STAG1: variants seen among roughly 807,000 people sequenced by gnomAD.
STAG1 encodes the protein STAG1 cohesin complex component.
Under a neutral mutation model 170.9 loss-of-function variants are expected in STAG1, and 26 were observed. That is an observed-to-expected ratio of 0.15 (90% CI 0.11 to 0.21). The LOEUF is 0.21. Ranked by LOEUF, STAG1 falls within the 10% of genes least tolerant of loss-of-function variation. The pLI, the probability that STAG1 is intolerant of heterozygous loss-of-function variation, is 1.00. For missense variants in STAG1, 964 were observed against 1,509.5 expected (o/e 0.64, Z 5.99); for synonymous variants, 514 against 497.7 (o/e 1.03, Z -0.44).
intron 32 of STAG1, among the ~76,000 whole-genome samples, chr3:136,340,237 C>T (rs1361767186): frequency 6.6e-6 from 1 of 152,152 alleles, no homozygotes; most frequent in Non-Finnish European, 1.5e-5. Context: ...TCACTACAAC[C>T]TCAGCCTCCC....
intron 20 of STAG1, among the ~76,000 whole-genome samples, chr3:136,420,178 C>T (rs1031590870): frequency 7.3e-6 from 1 of 137,612 alleles, no homozygotes; most frequent in Non-Finnish European, 1.5e-5. Flanking sequence ...GCCTGGAAGG[C>T]GGCAGTTGCA....
At chr3:136,522,576 A>C (rs1351732887) in intron 6 of STAG1, among the ~76,000 whole-genome samples, 1 of 151,514 alleles carries the variant, frequency 6.6e-6, no homozygotes, top group East Asian at 1.9e-4. Context: ...AATTATAATT[A>C]TTTTTCACTC....
chr3:136,689,957 T>C (rs1236324539), intron 1 of STAG1, among the ~76,000 whole-genome samples: 2 of 149,688 alleles, frequency 1.3e-5, no homozygotes, highest in Non-Finnish European at 3.0e-5. Context: ...GGAGAATCAG[T>C]TGAACCTGGG....
In STAG1 at chr3:136,713,775, C is replaced by T. The variant is rs190950776; in HGVS notation, c.-84+38420G>A. Among the ~76,000 whole-genome samples, 37 of 152,080 alleles carry T rather than the reference C, an allele frequency of 2.4e-4. No homozygotes were observed. The East Asian group carries it at 5.0e-3, about 21-fold the overall frequency. ...CTGTGGCTCAAGCCTTTAATCCCAG[C>T]GCTTTGGGAGGCCACAATGGGCAGA... On this transcript the variant is annotated intron_variant, in intron 1 of 33. Transcript: ENST00000383202.
At chr3:136,441,153 C>G (rs1331143996) in intron 15 of STAG1, among the ~76,000 whole-genome samples, 1 of 151,432 alleles carries the variant, frequency 6.6e-6, no homozygotes, top group East Asian at 1.9e-4. Context: ...CTGCCTCAGC[C>G]TCCCGAGTAG....
intron 4 of STAG1, among the ~76,000 whole-genome samples, chr3:136,596,544 AC>A (rs1938437107): frequency 6.6e-6 from 1 of 152,188 alleles, no homozygotes; most frequent in Non-Finnish European, 1.5e-5. Flanking sequence ...TCTGAGGTAT[AC>A]CTATATATCA....
intron 1 of STAG1, among the ~76,000 whole-genome samples, chr3:136,713,211 G>C (rs983129267): frequency 2.0e-5 from 3 of 152,144 alleles, no homozygotes; most frequent in South Asian, 2.1e-4. Context: ...CAAGTATATA[G>C]TTCCTAAAAA....
chr3:136,626,352 C>T (rs1022199870), intron 2 of STAG1, among the ~76,000 whole-genome samples: 8 of 149,128 alleles, frequency 5.4e-5, no homozygotes, highest in African/African-American at 2.0e-4. Context: ...CTTGAACCCA[C>T]GAGGCGTAGG....
chr3:136,526,046 G>A (rs1032594817), intron 6 of STAG1, among the ~76,000 whole-genome samples: 1 of 152,186 alleles, frequency 6.6e-6, no homozygotes. Context: ...TAAGTATGAC[G>A]TGGTGCTGAG....
chr3:136,623,288 G>A (rs774006558), intron 2 of STAG1, 40 bp from the exon 3 acceptor site: 8 of 1,566,064 alleles, frequency 5.1e-6, no homozygotes, highest in Non-Finnish European at 6.1e-6. Context: ...AAATTAATAA[G>A]TATAATGCAT....
intron 1 of STAG1, among the ~76,000 whole-genome samples, chr3:136,637,926 G>A (rs780375704): frequency 4.7e-5 from 7 of 150,074 alleles, no homozygotes; most frequent in Non-Finnish European, 8.9e-5. Context: ...AGGTTACAGT[G>A]CAGTGGAGCA....
In STAG1 at chr3:136,359,155, G is replaced by A; in HGVS notation, c.2929C>T (p.Leu977Phe). Residue 977 changes from leucine to phenylalanine, a missense_variant, in exon 27 of 34, where the codon CTT (leucine) becomes TTT (phenylalanine). By Grantham distance (22) the Leu-to-Phe change is conservative. Transcript: ENST00000383202. ...AGTGTTTATCTCACTCACTTGTGAA[G>A]TGTGGCAACTGCTTCTCGTGTCTTA... ...QIKTREAVAT[L>F]HKDGIEFAFK... 1 of 1,608,568 alleles carries A rather than the reference G, an allele frequency of 6.2e-7. No individual in the cohort carries two copies. The highest frequency in any genetic ancestry group is 8.5e-7 in the Non-Finnish European group (1 of 1,177,800).
chr3:136,469,596 G>A (rs1200243451), intron 12 of STAG1, among the ~76,000 whole-genome samples: 1 of 152,148 alleles, frequency 6.6e-6, no homozygotes, highest in East Asian at 1.9e-4. Context: ...TCCCCATCAA[G>A]CTACCAATGA....
chr3:136,731,564 G>A (rs1576824779), intron 1 of STAG1, among the ~76,000 whole-genome samples: 1 of 152,318 alleles, frequency 6.6e-6, no homozygotes, highest in South Asian at 2.1e-4. Flanking sequence ...AGAAAGAGAG[G>A]AGCAATAAGC....
At chr3:136,711,680 C>T (rs1208204968) in intron 1 of STAG1, among the ~76,000 whole-genome samples, 2 of 151,806 alleles carry the variant, frequency 1.3e-5, no homozygotes, top group Non-Finnish European at 2.9e-5. Flanking sequence ...GGATAAAGGC[C>T]CAGACACATA....
At chr3:136,596,549 T>C (rs1364375982) in intron 4 of STAG1, among the ~76,000 whole-genome samples, 2 of 152,200 alleles carry the variant, frequency 1.3e-5, no homozygotes, top group African/African-American at 4.8e-5. Context: ...GGTATACCTA[T>C]ATATCATATA....
intron 5 of STAG1, among the ~76,000 whole-genome samples, chr3:136,550,408 C>G (rs747107380): frequency 6.6e-6 from 1 of 151,694 alleles, no homozygotes; most frequent in Non-Finnish European, 1.5e-5. Flanking sequence ...CCCGGATTCA[C>G]GCCATTCTCC....
intron 1 of STAG1, among the ~76,000 whole-genome samples, chr3:136,702,559 T>A (rs1277084299): frequency 6.6e-6 from 1 of 151,990 alleles, no homozygotes; most frequent in African/African-American, 2.4e-5. Flanking sequence ...GCTAATTTTT[T>A]ATTTTTAGTA....
intron 26 of STAG1, among the ~76,000 whole-genome samples, chr3:136,362,954 A>G (rs1388714932): frequency 2.0e-5 from 3 of 152,120 alleles, no homozygotes; most frequent in Non-Finnish European, 2.9e-5. Context: ...ACATATATAT[A>G]TCCACTAGGC....
Sources: allele counts gnomAD v4.1 joint callset (sites outside exome capture counted in the v4.1 genomes callset), GRCh38; gene constraint gnomAD v4.1.1; transcripts MANE v1.5; gene names NCBI Gene and HGNC (gene_info 2026-07-23, HGNC 2026-07-21).